NAA11: variants seen among roughly 807,000 people sequenced by gnomAD.
NAA11 encodes the protein N-alpha-acetyltransferase 11, NatA catalytic subunit.
Under a neutral mutation model 16.1 loss-of-function variants are expected in NAA11, and 15 were observed. That is an observed-to-expected ratio of 0.93 (90% CI 0.62 to 1.44). NAA11 has a LOEUF of 1.44. Among genes scored for constraint, NAA11 ranks in the 40% most tolerant of loss-of-function variants. NAA11 has a pLI of 0.00. For missense variants in NAA11, 298 were observed against 291.3 expected (o/e 1.02, Z -0.17); for synonymous variants, 122 against 112.4 (o/e 1.09, Z -0.54).
At chr4:79,201,266 G>T in the NAA11 span, among the ~76,000 whole-genome samples, 1 of 151,196 alleles carries the variant, frequency 6.6e-6, no homozygotes, top group Non-Finnish European at 1.5e-5. Context: ...CTCAGGAGTA[G>T]TATTACTATG....
intron 2 of NAA11, among the ~76,000 whole-genome samples, chr4:79,249,520 C>A (rs993237192): frequency 4.6e-5 from 7 of 152,136 alleles, no homozygotes; most frequent in African/African-American, 1.7e-4. Flanking sequence ...AATCTCAGGG[C>A]TCAAACACCG....
intron 2 of NAA11, among the ~76,000 whole-genome samples, chr4:79,289,013 T>A (rs2867610): frequency 0.6 from 91,261 of 152,160 alleles, 28,872 homozygotes; most frequent in African/African-American, 0.8. Flanking sequence ...GATGTATCAT[T>A]ATATATTTAA....
the NAA11 span, among the ~76,000 whole-genome samples, chr4:79,181,792 G>A: frequency 6.6e-6 from 1 of 152,196 alleles, no homozygotes; most frequent in Admixed American, 6.5e-5. Context: ...TGGGGCTGAA[G>A]TTGGTGTGTA....
At chr4:79,246,070 C>G (rs948727981) in intron 2 of NAA11, among the ~76,000 whole-genome samples, 12 of 152,088 alleles carry the variant, frequency 7.9e-5, no homozygotes, top group Admixed American at 6.5e-5. Flanking sequence ...AATCTGTAAC[C>G]TTACCCCCAA....
chr4:79,155,885 T>C, the NAA11 span, among the ~76,000 whole-genome samples: 1 of 152,220 alleles, frequency 6.6e-6, no homozygotes, highest in African/African-American at 2.4e-5. Flanking sequence ...TTAAACCCTA[T>C]GAACATATAC....
chr4:79,291,588 G>A (rs906336848), intron 2 of NAA11, among the ~76,000 whole-genome samples: 2 of 152,144 alleles, frequency 1.3e-5, no homozygotes, highest in Non-Finnish European at 2.9e-5. Context: ...GCTGGGCGTG[G>A]TGGTGCATGC....
chr4:79,167,920 G>A, the NAA11 span, among the ~76,000 whole-genome samples: 1 of 151,782 alleles, frequency 6.6e-6, no homozygotes, highest in African/African-American at 2.4e-5. Context: ...TGTGCAGAAC[G>A]TGCAGGTTTG....
At chr4:79,187,728 C>T in the NAA11 span, among the ~76,000 whole-genome samples, 1 of 152,046 alleles carries the variant, frequency 6.6e-6, no homozygotes, top group Non-Finnish European at 1.5e-5. Context: ...CTTAGAAATG[C>T]TTGTGAGGCT....
rs1281277377 is a variant in NAA11 at position 79,322,497 on chromosome 4, G to GTA, written c.*12+2678_*12+2679insTA. On this transcript the variant is annotated intron_variant, in intron 1 of 1. Transcript: ENST00000286794. ...TCATCAGTTTTATAGGTGTGTGTGTGTGTGTGTGTATATATATATATATGG... is the reference window on the plus strand; with the variant it reads ...TCATCAGTTTTATAGGTGTGTGTGTGTATGTGTGTGTATATATATATATATGG... Among the ~76,000 whole-genome samples the GTA allele has an allele frequency of 6.1e-3, 791 of 130,696 alleles. 12 individuals are homozygous for GTA. The highest frequency in any genetic ancestry group is 0.019 in the African/African-American group (731 of 37,574). The allele number at this position is 130,696 out of a possible 152,430, so 85.7% of individuals were successfully genotyped here. A position where few individuals can be genotyped will look rare whatever the true frequency, so the allele number is the denominator to read the frequency against.
the NAA11 span, among the ~76,000 whole-genome samples, chr4:79,196,919 C>T: frequency 4.5e-5 from 5 of 111,146 alleles, no homozygotes; most frequent in Admixed American, 4.2e-4. Context: ...GGCCATGAAC[C>T]AGGGAATGTG....
At chr4:79,286,329 C>T (rs1044664612) in intron 2 of NAA11, among the ~76,000 whole-genome samples, 5 of 151,956 alleles carry the variant, frequency 3.3e-5, no homozygotes, top group African/African-American at 7.2e-5. Flanking sequence ...TATACACCAA[C>T]CTCTTAATAA....
chr4:79,254,353 C>A (rs2109969749), intron 2 of NAA11, among the ~76,000 whole-genome samples: 1 of 152,268 alleles, frequency 6.6e-6, no homozygotes, highest in African/African-American at 2.4e-5. Flanking sequence ...TAAAAACATA[C>A]TTTGTTGGAG....
chr4:79,269,857 T>G (rs1722449074), intron 2 of NAA11, among the ~76,000 whole-genome samples: 1 of 150,268 alleles, frequency 6.7e-6, no homozygotes, highest in Non-Finnish European at 1.5e-5. Context: ...AAATCTTTAA[T>G]CCATCTTGAA....
At chr4:79,189,830 CAT>C in the NAA11 span, among the ~76,000 whole-genome samples, 1 of 152,172 alleles carries the variant, frequency 6.6e-6, no homozygotes, top group Admixed American at 6.5e-5. Flanking sequence ...AGTCTGAAGA[CAT>C]AGAAAAGAGA....
chr4:79,175,309 T>C, the NAA11 span, among the ~76,000 whole-genome samples: 1 of 152,156 alleles, frequency 6.6e-6, no homozygotes. Flanking sequence ...GCTAAGTGTA[T>C]GCATCACAAA....
intron 2 of NAA11, among the ~76,000 whole-genome samples, chr4:79,283,702 G>T (rs1353147367): frequency 6.6e-6 from 1 of 152,124 alleles, no homozygotes; most frequent in East Asian, 1.9e-4. Flanking sequence ...GTCACTGTAT[G>T]TCTGTGATAA....
chr4:79,181,513 G>A, the NAA11 span, among the ~76,000 whole-genome samples: 1 of 152,142 alleles, frequency 6.6e-6, no homozygotes, highest in Admixed American at 6.5e-5. Context: ...AATTACACAC[G>A]CGGTGGCCAT....
At chr4:79,160,095 T>G in the NAA11 span, among the ~76,000 whole-genome samples, 3 of 151,778 alleles carry the variant, frequency 2.0e-5, no homozygotes, top group Non-Finnish European at 4.4e-5. Context: ...AGGTTCAAGT[T>G]ATTCTTCTGC....
intron 1 of NAA11, among the ~76,000 whole-genome samples, chr4:79,310,361 A>C (rs1283180996): frequency 1.3e-5 from 2 of 152,176 alleles, no homozygotes; most frequent in Non-Finnish European, 2.9e-5. Flanking sequence ...ATTTCTGTGA[A>C]TTTCCTTATT....
Sources: gnomAD v4.1 joint callset for allele counts (sites outside exome capture counted in the v4.1 genomes callset) on GRCh38, gnomAD v4.1.1 for gene constraint, MANE v1.5 for transcripts, NCBI Gene and HGNC (gene_info 2026-07-23, HGNC 2026-07-21) for gene names.